Variants in MECOM observed in about 807,000 individuals in gnomAD.
MECOM encodes the protein histone-lysine N-methyltransferase MECOM.
In MECOM, 13 loss-of-function variants were observed where a neutral mutation model predicts 116.3. The ratio of observed to expected loss-of-function variants is 0.11; its 90% confidence interval spans 0.07 to 0.18. The LOEUF (loss-of-function observed/expected upper bound fraction) is 0.18, where lower values mean the gene tolerates loss of function less well. Ranked by LOEUF, MECOM falls within the 10% of genes least tolerant of loss-of-function variation. The probability of loss-of-function intolerance (pLI) is 1.00; values close to 1 mark genes in which losing one functional copy is unlikely to be tolerated. For synonymous variants in MECOM, 528 were observed against 535.2 expected (o/e 0.99, Z 0.19); for missense variants, 1,299 against 1,509.0 (o/e 0.86, Z 2.31).
At chr3:169,120,123 T>C (rs1432876130) in intron 7 of MECOM, among the ~76,000 whole-genome samples, 2 of 152,200 alleles carry the variant, frequency 1.3e-5, no homozygotes, top group Non-Finnish European at 2.9e-5. Context: ...ACCAATTCTA[T>C]GTGTATCTGG....
rs57430753 is a variant in MECOM, at chr3:169,523,937, AAT to A, written c.37+139397_37+139398del. On this transcript the variant is annotated intron_variant, in intron 1 of 16. Coordinates refer to ENST00000651503, the MANE Select transcript of MECOM (RefSeq NM_004991.4). ...TATATATGTGTATATATATTAGTGT[AAT>A]ATATATATGTGTGTATATATACACA... is the stretch of plus-strand genomic sequence containing the variant. 0.022 allele frequency among the ~76,000 whole-genome samples: 3,253 copies of A among 148,336 alleles called. 238 individuals carry two copies. In the East Asian group the frequency reaches 0.3, roughly 14 times the overall value.
rs560848164 is a variant in MECOM at position 169,139,855 on chromosome 3, C to T, written c.510+3843G>A. On this transcript the variant is annotated intron_variant, in intron 3 of 16. Coordinates refer to ENST00000651503, the MANE Select transcript of MECOM (RefSeq NM_004991.4). ...GAGAGAGGTGAGAACAGGGTGAGAC[C>T]GACCAAACCTAAAGCAATGAGTTAT... Among the ~76,000 whole-genome samples the T allele has an allele frequency of 4.0e-5, 6 of 151,608 alleles. No homozygotes were observed. In the East Asian group the frequency reaches 1.2e-3, roughly 29 times the overall value.
intron 3 of MECOM, among the ~76,000 whole-genome samples, chr3:169,140,156 T>A (rs1429575929): frequency 6.6e-6 from 1 of 152,022 alleles, no homozygotes; most frequent in Non-Finnish European, 1.5e-5. Flanking sequence ...GCTCCTACCC[T>A]GCTCTGCCTT....
At chr3:169,148,641 A>C (rs1406177493) in intron 2 of MECOM, among the ~76,000 whole-genome samples, 1 of 152,180 alleles carries the variant, frequency 6.6e-6, no homozygotes, top group Non-Finnish European at 1.5e-5. Flanking sequence ...GAGGTGGGGC[A>C]AGAGGGGCTG....
At chr3:169,196,964 A>C (rs559478036) in intron 2 of MECOM, among the ~76,000 whole-genome samples, 1 of 152,210 alleles carries the variant, frequency 6.6e-6, no homozygotes, top group East Asian at 1.9e-4. Flanking sequence ...TAGATACACC[A>C]TGGAATACTA....
intron 1 of MECOM, among the ~76,000 whole-genome samples, chr3:169,419,868 G>C (rs1739407852): frequency 1.3e-5 from 2 of 152,064 alleles, no homozygotes; most frequent in African/African-American, 4.8e-5. Flanking sequence ...ATCTGACAAA[G>C]GCCTAATATC....
chr3:169,097,817 T>TATAAA lies in MECOM; in HGVS notation c.2850-2573_2850-2572insTTTAT, dbSNP rs1553818439. Among the ~76,000 whole-genome samples the TATAAA allele has an allele frequency of 5.7e-5, 5 of 87,218 alleles. No homozygotes were observed. The East Asian group carries it at 1.5e-3, about 26-fold the overall frequency. 57.2% of individuals were successfully genotyped at this position (87,218 alleles called of 152,430 possible). A position where few individuals can be genotyped will look rare whatever the true frequency, so the allele number is the denominator to read the frequency against. ...AACAGAGTGAGACCTACTGTCTATA[T>TATAAA]AAAAAAAAAAAAAAAAAAAAAAAGG... On this transcript the variant is annotated intron_variant, in intron 12 of 16. Coordinates refer to ENST00000651503, the MANE Select transcript of MECOM (RefSeq NM_004991.4).
At chr3:169,444,479 T>C (rs756125456) in intron 1 of MECOM, among the ~76,000 whole-genome samples, 13 of 152,160 alleles carry the variant, frequency 8.5e-5, no homozygotes, top group Non-Finnish European at 1.6e-4. Flanking sequence ...ATCAGGGGTT[T>C]CCGTTTTTGC....
At chr3:169,299,142 A>G (rs1716202432) in intron 2 of MECOM, among the ~76,000 whole-genome samples, 1 of 152,164 alleles carries the variant, frequency 6.6e-6, no homozygotes, top group South Asian at 2.1e-4. Context: ...CCTAGTTCTC[A>G]CTAGGAATTG....
At chr3:169,310,924 C>T (rs1560116140) in intron 2 of MECOM, among the ~76,000 whole-genome samples, 1 of 152,142 alleles carries the variant, frequency 6.6e-6, no homozygotes, top group Non-Finnish European at 1.5e-5. Flanking sequence ...GTCCTGCATG[C>T]AGTAGACACA....
intron 1 of MECOM, among the ~76,000 whole-genome samples, chr3:169,391,107 G>T (rs1271272351): frequency 6.6e-6 from 1 of 152,156 alleles, no homozygotes; most frequent in African/African-American, 2.4e-5. Flanking sequence ...TGCATGTCTG[G>T]CAGAAGAGGG....
At chr3:169,098,965 A>C (rs1187677543) in intron 12 of MECOM, among the ~76,000 whole-genome samples, 1 of 152,198 alleles carries the variant, frequency 6.6e-6, no homozygotes, top group Non-Finnish European at 1.5e-5. Context: ...TGATACATTA[A>C]CTAAACTATA....
At chr3:169,297,245 G>C (rs937740846) in intron 2 of MECOM, among the ~76,000 whole-genome samples, 4 of 152,110 alleles carry the variant, frequency 2.6e-5, no homozygotes, top group African/African-American at 7.2e-5. Flanking sequence ...TTCCTCCTTT[G>C]GTTATAATCT....
chr3:169,252,190 C>T (rs1756326262), intron 2 of MECOM, among the ~76,000 whole-genome samples: 1 of 152,098 alleles, frequency 6.6e-6, no homozygotes, highest in Admixed American at 6.6e-5. Flanking sequence ...AATATCAATA[C>T]ATGCAGCAAC....
At chr3:169,618,386 G>A (rs1164852926) in intron 1 of MECOM, among the ~76,000 whole-genome samples, 1 of 152,176 alleles carries the variant, frequency 6.6e-6, no homozygotes, top group Non-Finnish European at 1.5e-5. Context: ...AGGCTGGGCG[G>A]TGGCTCACAC....
intron 2 of MECOM, among the ~76,000 whole-genome samples, chr3:169,300,103 A>G (rs1489906372): frequency 6.6e-6 from 1 of 152,158 alleles, no homozygotes; most frequent in Non-Finnish European, 1.5e-5. Context: ...TTTTTCAACA[A>G]TTTCATGGAT....
intron 1 of MECOM, among the ~76,000 whole-genome samples, chr3:169,515,384 G>C (rs1452637498): frequency 6.6e-6 from 1 of 152,102 alleles, no homozygotes; most frequent in Admixed American, 6.5e-5. Flanking sequence ...ATCATTTATT[G>C]GTACAACGTA....
intron 1 of MECOM, among the ~76,000 whole-genome samples, chr3:169,415,197 C>T (rs1368360734): frequency 6.6e-6 from 1 of 152,130 alleles, no homozygotes; most frequent in African/African-American, 2.4e-5. Context: ...TGCAGAAACC[C>T]TACAAGCCAG....
chr3:169,378,449 G>GAAA lies in MECOM; in HGVS notation c.375+2737_375+2738insTTT, dbSNP rs780989804. ...AGAAAGAAAGAAAGAAAGAAAGAAA[G>GAAA]AAGGAAAGCAAGCAAGCAAGCAAGC... On this transcript the variant is annotated intron_variant, in intron 2 of 16. Transcript: ENST00000651503. 5.0e-5 allele frequency among the ~76,000 whole-genome samples: 3 copies of GAAA among 59,622 alleles called. 1 individual carries two copies. The highest frequency in any genetic ancestry group is 4.5e-4 in the South Asian group (1 of 2,210). The allele number at this position is 59,622 out of a possible 152,430, so 39.1% of individuals were successfully genotyped here.
Sources: gnomAD v4.1 joint callset for allele counts (sites outside exome capture counted in the v4.1 genomes callset) on GRCh38, gnomAD v4.1.1 for gene constraint, MANE v1.5 for transcripts, NCBI Gene and HGNC (gene_info 2026-07-23, HGNC 2026-07-21) for gene names.